FBXO15: variants seen among roughly 807,000 people sequenced by gnomAD.
FBXO15 encodes the protein F-box protein 15, also known as F-box only protein 15.
A neutral mutation model predicts 49.5 loss-of-function variants in FBXO15; 30 were observed. The ratio of observed to expected loss-of-function variants is 0.61; its 90% CI spans 0.45 to 0.82. The LOEUF (loss-of-function observed/expected upper bound fraction) is 0.82. FBXO15 is among the 40% of genes least tolerant of loss of function. The probability of loss-of-function intolerance (pLI) is 0.00; values close to 1 mark genes in which losing one functional copy is unlikely to be tolerated. For synonymous variants in FBXO15, 250 were observed against 232.7 expected, an observed-to-expected ratio of 1.07 and a Z score of -0.68; for missense variants, 591 against 631.5, an observed-to-expected ratio of 0.94 and a Z score of 0.69.
At position 74,124,590 on chromosome 18, in the gene FBXO15, A is replaced by G; in HGVS notation, c.913-19T>C. ...CCTCCTTCTGAAAAGTTAATTGAGA[A>G]GAATACATATTTCAACCAAAATGCT... On this transcript the variant is annotated intron_variant, in intron 6 of 9. Transcript: ENST00000419743. 1 of 1,606,470 alleles carries G rather than the reference A, an allele frequency of 6.2e-7. No individual in the cohort carries two copies. Among genetic ancestry groups the G allele is most frequent in the Non-Finnish European group, 8.5e-7 (1 of 1,173,390 alleles).
chr18:74,138,310 C>T lies in FBXO15; in HGVS notation c.227+1892G>A, dbSNP rs115917438. 5.8e-3 allele frequency among the ~76,000 whole-genome samples: 888 copies of T among 152,260 alleles called. 8 individuals carry two copies. The highest frequency in any genetic ancestry group is 0.02 in the African/African-American group (847 of 41,522). On this transcript the variant is annotated intron_variant, in intron 2 of 9. Transcript: ENST00000419743. ...GAACACACGCAAGTAGGAAAATGAGCGGCCAGCCCCTTCCCTTGCATTCAC... is the reference window on the plus strand; with the variant it reads ...GAACACACGCAAGTAGGAAAATGAGTGGCCAGCCCCTTCCCTTGCATTCAC...
intron 8 of FBXO15, among the ~76,000 whole-genome samples, chr18:74,094,557 T>A (rs930191213): frequency 1.3e-5 from 2 of 152,206 alleles, no homozygotes; most frequent in African/African-American, 4.8e-5. Flanking sequence ...GAGAACAGAC[T>A]AATACAGGAA....
chr18:74,146,296 T>G (rs992028309), intron 1 of FBXO15, among the ~76,000 whole-genome samples: 2 of 152,238 alleles, frequency 1.3e-5, no homozygotes, highest in Non-Finnish European at 2.9e-5. Context: ...AATAACCACC[T>G]GCTTTGACCA....
intron 8 of FBXO15, among the ~76,000 whole-genome samples, chr18:74,084,379 A>C (rs763537828): frequency 2.0e-5 from 3 of 152,174 alleles, no homozygotes. Flanking sequence ...TGAGCATGAG[A>C]GGAGGAAGAG....
At chr18:74,134,149 C>T (rs1237415513) in intron 3 of FBXO15, among the ~76,000 whole-genome samples, 1 of 151,972 alleles carries the variant, frequency 6.6e-6, no homozygotes, top group African/African-American at 2.4e-5. Context: ...TATATTCTTC[C>T]ATATAGGAAA....
chr18:74,128,900 A>G (rs1486330430), intron 5 of FBXO15, among the ~76,000 whole-genome samples: 1 of 152,258 alleles, frequency 6.6e-6, no homozygotes, highest in Non-Finnish European at 1.5e-5. Flanking sequence ...TATGCTAAAT[A>G]CTATGCCAGT....
At chr18:74,077,138 G>A (rs1456027724) in intron 9 of FBXO15, among the ~76,000 whole-genome samples, 2 of 152,184 alleles carry the variant, frequency 1.3e-5, no homozygotes, top group African/African-American at 2.4e-5. Context: ...GCAGGACTTA[G>A]GCCAGCTTGG....
At chr18:74,095,618 C>A (rs1913240261) in intron 8 of FBXO15, among the ~76,000 whole-genome samples, 1 of 152,150 alleles carries the variant, frequency 6.6e-6, no homozygotes, top group African/African-American at 2.4e-5. Context: ...CATCAAAGAT[C>A]TCTGATCACA....
rs554829585 is a variant in FBXO15 at position 74,122,005 on chromosome 18, CA to C, written c.1138+1362del. On this transcript the variant is annotated intron_variant, in intron 8 of 9. Transcript: ENST00000419743. Reference sequence around the variant, plus strand: ...CCAATATGGCCAACTGGAGTTTTCACAGATGGAGTTTTCTGACATCACAGCC... The same window carrying C: ...CCAATATGGCCAACTGGAGTTTTCACGATGGAGTTTTCTGACATCACAGCC... Among the ~76,000 whole-genome samples the C allele has an allele frequency of 2.0e-3, 304 of 152,292 alleles. 1 individual carries two copies. The highest frequency in any genetic ancestry group is 7.0e-3 in the African/African-American group (292 of 41,550).
At chr18:74,135,488 C>T (rs182995685) in intron 3 of FBXO15, among the ~76,000 whole-genome samples, 4 of 152,132 alleles carry the variant, frequency 2.6e-5, no homozygotes, top group Non-Finnish European at 5.9e-5. Flanking sequence ...GGGAATACAG[C>T]GAAGACCTCC....
intron 9 of FBXO15, 123 bp from the exon 10 acceptor site, chr18:74,073,853 T>C: frequency 1.6e-6 from 2 of 1,247,222 alleles, no homozygotes; most frequent in Non-Finnish European, 2.2e-6. Flanking sequence ...CAGAATACTA[T>C]CATTGGTTTT....
At chr18:74,144,673 T>C (rs982573905) in intron 1 of FBXO15, among the ~76,000 whole-genome samples, 1 of 152,206 alleles carries the variant, frequency 6.6e-6, no homozygotes, top group African/African-American at 2.4e-5. Flanking sequence ...TGTCCTATCA[T>C]AAAAATGTAT....
intron 8 of FBXO15, among the ~76,000 whole-genome samples, chr18:74,082,709 C>G (rs1049863929): frequency 1.3e-5 from 2 of 152,074 alleles, no homozygotes; most frequent in African/African-American, 4.8e-5. Context: ...CAGCACCACT[C>G]GGTCTCACAC....
intron 1 of FBXO15, among the ~76,000 whole-genome samples, chr18:74,145,788 C>G (rs60464459): frequency 5.7e-4 from 86 of 152,030 alleles, no homozygotes; most frequent in African/African-American, 1.9e-3. Flanking sequence ...TTAGTAGAGA[C>G]GGGGTTTCAC....
At chr18:74,090,987 G>T (rs1343381763) in intron 8 of FBXO15, among the ~76,000 whole-genome samples, 1 of 152,086 alleles carries the variant, frequency 6.6e-6, no homozygotes, top group Non-Finnish European at 1.5e-5. Context: ...TACTGTTAGT[G>T]GGGTACTAAA....
chr18:74,139,471 GGCT>G (rs1265423302), intron 2 of FBXO15, among the ~76,000 whole-genome samples: 1 of 152,174 alleles, frequency 6.6e-6, no homozygotes, highest in Non-Finnish European at 1.5e-5. Context: ...TATCCTTTCT[GGCT>G]TTTTTTAAAA....
At chr18:74,078,977 C>T (rs976096399) in intron 9 of FBXO15, among the ~76,000 whole-genome samples, 11 of 152,198 alleles carry the variant, frequency 7.2e-5, no homozygotes, top group African/African-American at 2.2e-4. Flanking sequence ...TCATGGGCCA[C>T]GGCCACCCAC....
intron 2 of FBXO15, among the ~76,000 whole-genome samples, chr18:74,139,003 C>G (rs1175331960): frequency 6.6e-6 from 1 of 152,110 alleles, no homozygotes. Flanking sequence ...GTAGCCCCAC[C>G]TGATGGGCTC....
chr18:74,130,311 C>CA, intron 4 of FBXO15, 105 bp downstream of exon 4: 1 of 1,442,890 alleles, frequency 6.9e-7, no homozygotes, highest in Admixed American at 2.3e-5. Flanking sequence ...ACAAAACACA[C>CA]AAAAATACTA....
Sources: gnomAD v4.1 joint callset for allele counts (sites outside exome capture counted in the v4.1 genomes callset) on GRCh38, gnomAD v4.1.1 for gene constraint, MANE v1.5 for transcripts, NCBI Gene and HGNC (gene_info 2026-07-23, HGNC 2026-07-21) for gene names.